The following PAAF1 variants were observed in gnomAD, a reference collection of about 807,000 sequenced individuals.
PAAF1 encodes the protein proteasomal ATPase-associated factor 1.
PAAF1 carries 46 observed loss-of-function variants against 52.8 expected under a neutral mutation model. The ratio of observed to expected loss-of-function variants is 0.87; its 90% confidence interval spans 0.69 to 1.11. PAAF1 has a LOEUF of 1.11. Ranked by LOEUF, PAAF1 falls within the 50% of genes most tolerant of loss-of-function variation. The pLI is 0.00. For synonymous variants in PAAF1, 178 were observed against 172.8 expected (o/e 1.03, Z -0.24); for missense variants, 424 against 477.4 (o/e 0.89, Z 1.04).
At chr11:73,917,870 C>CAAA (rs755799652) in intron 9 of PAAF1, among the ~76,000 whole-genome samples, 6 of 105,418 alleles carry the variant, frequency 5.7e-5, no homozygotes, top group Admixed American at 1.0e-4. Flanking sequence ...GACTCTATCT[C>CAAA]AAAAAAAAAA....
intron 3 of PAAF1, among the ~76,000 whole-genome samples, chr11:73,889,691 G>T (rs960837999): frequency 6.6e-6 from 1 of 152,212 alleles, no homozygotes. Flanking sequence ...CTAAGCTTTT[G>T]AAGCTCCTTG....
chr11:73,925,336 C>A (rs1490631733), intron 11 of PAAF1, among the ~76,000 whole-genome samples: 1 of 151,774 alleles, frequency 6.6e-6, no homozygotes, highest in Non-Finnish European at 1.5e-5. Context: ...GGCACACACA[C>A]CTGTAGTCCC....
At chr11:73,880,386 T>G (rs1948859160) in intron 2 of PAAF1, 2 of 151,754 alleles carry the variant, frequency 1.3e-5, no homozygotes, top group African/African-American at 2.4e-5. Flanking sequence ...TATTTTATTG[T>G]GCTTAATTAT....
intron 5 of PAAF1, among the ~76,000 whole-genome samples, chr11:73,899,498 G>A (rs961993734): frequency 7.3e-6 from 1 of 137,494 alleles, no homozygotes; most frequent in Non-Finnish European, 1.5e-5. Flanking sequence ...TGCAACCTCC[G>A]CCTCCTGGGT....
chr11:73,903,860 G>C (rs890742462), intron 6 of PAAF1, among the ~76,000 whole-genome samples: 1 of 151,712 alleles, frequency 6.6e-6, no homozygotes, highest in Non-Finnish European at 1.5e-5. Context: ...GAGGTGGGAG[G>C]ATCACCTGAG....
At chr11:73,887,332 A>G (rs1423053659) in intron 2 of PAAF1, 22 bp from the exon 3 acceptor site, 1 of 1,544,182 alleles carries the variant, frequency 6.5e-7, no homozygotes, top group South Asian at 1.2e-5. Flanking sequence ...TTTTTGAGAC[A>G]TGCTTCTTTT....
chr11:73,911,475 TC>T (rs1279110008), intron 7 of PAAF1, among the ~76,000 whole-genome samples: 6 of 151,756 alleles, frequency 4.0e-5, no homozygotes, highest in Non-Finnish European at 8.8e-5. Context: ...GAGCCACAGC[TC>T]CTGGCCCTAA....
Position 73,918,937 on chromosome 11 carries a change from C to T in PAAF1, c.936-13C>T. On this transcript the variant is annotated splice_polypyrimidine_tract_variant and intron_variant, in intron 9 of 11. Coordinates refer to ENST00000310571, the MANE Select transcript of PAAF1 (RefSeq NM_025155.3). The stretch of plus-strand genomic sequence containing the variant: ...AGAAAGAAAGTAAAATTTCCCCTTT[C>T]TCTGAATCCTAGGGCTCCGGTACAA... The T allele has an allele frequency of 1.2e-6, 2 of 1,610,138 alleles. No homozygotes were observed. The highest frequency in any genetic ancestry group is 1.7e-6 in the Non-Finnish European group (2 of 1,177,532).
intron 6 of PAAF1, among the ~76,000 whole-genome samples, chr11:73,906,452 C>T (rs115910929): frequency 0.01 from 1,591 of 152,176 alleles, 32 homozygotes; most frequent in African/African-American, 0.035. Context: ...GGTTTCGCTA[C>T]GTTGGCCAGG....
intron 5 of PAAF1, among the ~76,000 whole-genome samples, chr11:73,899,702 G>A (rs1055445684): frequency 1.3e-5 from 2 of 152,088 alleles, no homozygotes; most frequent in African/African-American, 2.4e-5. Context: ...GTGAGCCACC[G>A]CTCCTGGCCT....
At chr11:73,885,137 G>A (rs1250219166) in intron 2 of PAAF1, among the ~76,000 whole-genome samples, 1 of 146,246 alleles carries the variant, frequency 6.8e-6, no homozygotes, top group African/African-American at 2.5e-5. Flanking sequence ...GGGATTACAG[G>A]CGTGATATTC....
intron 5 of PAAF1, 67 bp downstream of exon 5, chr11:73,899,311 A>C: frequency 8.5e-7 from 1 of 1,179,286 alleles, no homozygotes; most frequent in Non-Finnish European, 1.3e-6. Context: ...TTGGACTGGG[A>C]CATGGAAGGA....
chr11:73,894,243 G>T (rs1233705761), intron 4 of PAAF1, among the ~76,000 whole-genome samples: 1 of 152,254 alleles, frequency 6.6e-6, no homozygotes, highest in African/African-American at 2.4e-5. Flanking sequence ...AGTGGCCCAT[G>T]CCTGTACCCA....
intron 4 of PAAF1, among the ~76,000 whole-genome samples, chr11:73,896,069 C>T (rs1949342603): frequency 6.6e-6 from 1 of 152,042 alleles, no homozygotes. Flanking sequence ...TAATCATGCC[C>T]CTGCACTTCA....
intron 6 of PAAF1, 100 bp from the exon 7 acceptor site, chr11:73,909,299 G>GT: frequency 1.9e-6 from 2 of 1,068,954 alleles, no homozygotes; most frequent in Non-Finnish European, 2.7e-6. Context: ...TTCAGAACAT[G>GT]TTTGTGAAGG....
At chr11:73,879,372 C>A (rs542573479) in intron 2 of PAAF1, 8 of 152,300 alleles carry the variant, frequency 5.3e-5, no homozygotes, top group African/African-American at 1.9e-4. Flanking sequence ...TTGACCCTGC[C>A]ATATCCAGGA....
intron 6 of PAAF1, among the ~76,000 whole-genome samples, chr11:73,908,355 A>ATG (rs746823899): frequency 6.3e-5 from 9 of 143,970 alleles, no homozygotes; most frequent in African/African-American, 1.8e-4. Context: ...ATGTGTATAT[A>ATG]TGTGTGTATA....
rs565214384 is a variant in PAAF1, at chr11:73,908,327, G to GTA, written c.533-1064_533-1063dup. 3.5e-4 allele frequency among the ~76,000 whole-genome samples: 50 copies of GTA among 142,982 alleles called. No homozygotes were observed. The South Asian group carries it at 8.3e-3, about 24-fold the overall frequency. The allele number at this position is 142,982 out of a possible 152,430, so 93.8% of individuals were successfully genotyped here. ...TATATGTATATATATGTGTATATATGTATATATATGTGTATATATGTGTAT... is the reference window on the plus strand; with the variant it reads ...TATATGTATATATATGTGTATATATGTATATATATATGTGTATATATGTGTAT... On this transcript the variant is annotated intron_variant, in intron 6 of 11. Transcript: ENST00000310571.
At chr11:73,882,627 G>C (rs1948948100) in intron 2 of PAAF1, among the ~76,000 whole-genome samples, 1 of 151,222 alleles carries the variant, frequency 6.6e-6, no homozygotes, top group African/African-American at 2.4e-5. Context: ...TTTTGAGACG[G>C]AGTCTCGCTC....
Sources: gnomAD v4.1 joint callset for allele counts (sites outside exome capture counted in the v4.1 genomes callset) on GRCh38, gnomAD v4.1.1 for gene constraint, MANE v1.5 for transcripts, NCBI Gene and HGNC (gene_info 2026-07-23, HGNC 2026-07-21) for gene names.